The following COL9A3 variants were observed in gnomAD, a reference collection of about 807,000 sequenced individuals.
The protein encoded by COL9A3 is collagen alpha-3(IX) chain.
A neutral mutation model predicts 110.2 loss-of-function variants in COL9A3; 82 were observed. That is an observed-to-expected ratio of 0.74 (90% CI 0.62 to 0.89). The LOEUF is 0.89. Ranked by LOEUF, COL9A3 falls within the 40% of genes least tolerant of loss-of-function variation. The pLI is 0.00. For synonymous variants in COL9A3, 494 were observed against 403.8 expected (o/e 1.22, Z -2.68); for missense variants, 1,066 against 981.3 (o/e 1.09, Z -1.15).
At chr20:62,821,360 G>C in intron 6 of COL9A3, 144 bp downstream of exon 6, 1 of 1,335,498 alleles carries the variant, frequency 7.5e-7, no homozygotes, top group East Asian at 2.4e-5. Context: ...TGCCTGGATG[G>C]GGTCCTGGTG....
rs916430116 is a variant in COL9A3, at chr20:62,829,922, G to C, written c.1161+103G>C. On this transcript the variant is annotated intron_variant, in intron 22 of 31. Transcript: ENST00000649368. ...GGGGTGGCATTTGGTTGCCTTGATG[G>C]GCCAGGCCCACAAAAGCCTAGGATG... is the stretch of plus-strand genomic sequence containing the variant. 6.4e-6 allele frequency: 9 copies of C among 1,405,874 alleles called. No homozygotes were observed. In the African/African-American group the frequency reaches 8.5e-5, roughly 13 times the overall value. 87.1% of individuals were successfully genotyped at this position (1,405,874 alleles called of 1,614,324 possible).
chr20:62,826,367 C>T (rs1050298924), intron 14 of COL9A3, 110 bp downstream of exon 14: 24 of 1,067,018 alleles, frequency 2.2e-5, no homozygotes, highest in Non-Finnish European at 3.1e-5. Context: ...GCAGCCGGCA[C>T]CCTGGCTCTG....
chr20:62,822,139 G>C lies in COL9A3; in HGVS notation c.452G>C (p.Gly151Ala), dbSNP rs765684226. The C allele has an allele frequency of 1.9e-6, 3 of 1,590,216 alleles. No homozygotes were observed. In the Admixed American group the frequency reaches 5.0e-5, roughly 27 times the overall value. ...PGPSGLPGLPGPPGPPGPPGH... is the reference protein window; with the variant it reads ...PGPSGLPGLPAPPGPPGPPGH... ...CCTTCTGGACTCCCCGGCCTCCCTGGTCCCCCAGGACCTCCCGGACCCCCT... is the reference window on the plus strand; with the variant it reads ...CCTTCTGGACTCCCCGGCCTCCCTGCTCCCCCAGGACCTCCCGGACCCCCT... Residue 151 changes from glycine (G) to alanine (A), a missense_variant, in exon 9 of 32, where the codon GGT (glycine) becomes GCT (alanine). Coordinates refer to ENST00000649368, the MANE Select transcript of COL9A3 (RefSeq NM_001853.4).
chr20:62,839,813 T>TGCAC (rs2063661830), intron 31 of COL9A3, among the ~76,000 whole-genome samples: 1 of 135,558 alleles, frequency 7.4e-6, no homozygotes, highest in Non-Finnish European at 1.6e-5. Flanking sequence ...CTCCCCTCCA[T>TGCAC]GCACGCACGC....
At chr20:62,817,493 G>T (rs1175002900) in intron 1 of COL9A3, 74 bp from the exon 2 acceptor site, 3 of 1,117,346 alleles carry the variant, frequency 2.7e-6, no homozygotes, top group South Asian at 1.4e-5. Context: ...AGCCGCTCGG[G>T]ACCCGGGAGG....
At position 62,837,164 on chromosome 20, in the gene COL9A3, CT is replaced by C; in HGVS notation, c.1686del (p.Pro565GlnfsTer108). The C allele has an allele frequency of 6.2e-7, 1 of 1,613,018 alleles. No individual in the cohort carries two copies. The highest frequency in any genetic ancestry group is 8.5e-7 in the Non-Finnish European group (1 of 1,179,856). On this transcript the variant is annotated frameshift_variant, in exon 30 of 32. Transcript: ENST00000649368. LOFTEE classifies it high-confidence loss of function. ...SIGRPGPAGPPGPPGPPGSIG... is the reference protein window; with the variant it reads ...SIGRPGPAGPXGPPGPPGSIG... ...GGTCGGCCCGGTCCAGCTGGCCCCCCTGGGCCCCCAGGACCCCCAGGCTCCA... is the reference window on the plus strand; with the variant it reads ...GGTCGGCCCGGTCCAGCTGGCCCCCCGGGCCCCCAGGACCCCCAGGCTCCA...
In COL9A3 at chr20:62,821,224, T is replaced by G; in HGVS notation, c.345+8T>G. 6.2e-7 allele frequency: 1 copy of G among 1,612,966 alleles called. No homozygotes were observed. Among genetic ancestry groups the G allele is most frequent in the South Asian group, 1.1e-5 (1 of 90,982 alleles). ...GGGCCGCCCGGGCTGGGGGTGAGTA[T>G]GGAGTGTGGTCCTCTCCTCTCCATG... is the stretch of plus-strand genomic sequence containing the variant. On this transcript the variant is annotated splice_region_variant and intron_variant, in intron 6 of 31. Coordinates refer to ENST00000649368, the MANE Select transcript of COL9A3 (RefSeq NM_001853.4).
rs2063653089 is a variant in COL9A3, at chr20:62,838,678, T to C, written c.1787-6T>C. 4 of 1,552,170 alleles carry C rather than the reference T, an allele frequency of 2.6e-6. No homozygotes were observed. Among genetic ancestry groups the C allele is most frequent in the Non-Finnish European group, 3.5e-6 (4 of 1,147,252 alleles). ...ACCATATGTCTGTGTCCACACCTCG[T>C]GACAGGAAACCAGGGTGACAGAGGA... On this transcript the variant is annotated splice_polypyrimidine_tract_variant and splice_region_variant and intron_variant, in intron 30 of 31. Coordinates refer to ENST00000649368, the MANE Select transcript of COL9A3 (RefSeq NM_001853.4).
At chr20:62,832,891 C>G (rs2063607500) in intron 25 of COL9A3, 129 bp from the exon 26 acceptor site, 1 of 841,342 alleles carries the variant, frequency 1.2e-6, no homozygotes, top group Non-Finnish European at 1.9e-6. Flanking sequence ...AGCCCTGGGG[C>G]CTGGGCTTTT....
rs376065403 is a variant in COL9A3, at chr20:62,828,877, C to A, written c.955-46C>A. ...GGGGCTGGAGGGGAGTTCGGCCTCCCGAGGCCTCAGCCTCCCCTTCCGCAC... is the reference window on the plus strand; with the variant it reads ...GGGGCTGGAGGGGAGTTCGGCCTCCAGAGGCCTCAGCCTCCCCTTCCGCAC... On this transcript the variant is annotated intron_variant, in intron 18 of 31. Transcript: ENST00000649368. 11 of 1,612,312 alleles carry A rather than the reference C, an allele frequency of 6.8e-6. No homozygotes were observed. The Admixed American group carries it at 1.8e-4, about 27-fold the overall frequency.
In COL9A3 at chr20:62,828,825, T is replaced by C. The variant is rs763237070; in HGVS notation, c.954+8T>C. The C allele has an allele frequency of 8.1e-6, 13 of 1,612,696 alleles. No individual in the cohort carries two copies. Among genetic ancestry groups the C allele is most frequent in the African/African-American group, 1.3e-5 (1 of 74,872 alleles). ...GGACTCGATGGCCAGAAGGTTGGCATGGGGCTCAGGGTGTGACGGGAGGGA... is the reference window on the plus strand; with the variant it reads ...GGACTCGATGGCCAGAAGGTTGGCACGGGGCTCAGGGTGTGACGGGAGGGA... On this transcript the variant is annotated splice_region_variant and intron_variant, in intron 18 of 31. Coordinates refer to ENST00000649368, the MANE Select transcript of COL9A3 (RefSeq NM_001853.4).
chr20:62,822,959 G>A (rs915715588), intron 10 of COL9A3, among the ~76,000 whole-genome samples: 2 of 152,254 alleles, frequency 1.3e-5, no homozygotes, highest in African/African-American at 2.4e-5. Flanking sequence ...CGCAGAGGGC[G>A]CCCTTGGCCA....
At chr20:62,838,567 G>A (rs1397893373) in intron 30 of COL9A3, 117 bp from the exon 31 acceptor site, 21 of 956,524 alleles carry the variant, frequency 2.2e-5, no homozygotes, top group Non-Finnish European at 3.3e-5. Context: ...TTTTCTAAAT[G>A]TTTCCACTTC....
At chr20:62,822,668 G>A in intron 10 of COL9A3, 36 bp downstream of exon 10, 1 of 1,606,580 alleles carries the variant, frequency 6.2e-7, no homozygotes, top group Non-Finnish European at 8.5e-7. Flanking sequence ...GGGTGCTGGG[G>A]GGTGCCTACC....
rs1359936090 is a variant in COL9A3 at position 62,836,535 on chromosome 20, A to G, written c.1603+3A>G. 5 of 1,609,608 alleles carry G rather than the reference A, an allele frequency of 3.1e-6. No individual in the cohort carries two copies. The highest frequency in any genetic ancestry group is 4.2e-6 in the Non-Finnish European group (5 of 1,177,954). On this transcript the variant is annotated splice_donor_region_variant and intron_variant, in intron 29 of 31. Transcript: ENST00000649368. ...GCTGTGTGGGGGGATGATCAGCGGT[A>G]AGTCAGCCACGTGCACCGGCTGCAG...
intron 25 of COL9A3, chr20:62,832,759 A>AC: frequency 2.5e-6 from 1 of 401,116 alleles, no homozygotes; most frequent in East Asian, 4.0e-5. Flanking sequence ...CAGCCATCGA[A>AC]CCCCCACCGC....
In COL9A3 at chr20:62,821,111, T is replaced by G. The variant is rs1699719472; in HGVS notation, c.310-70T>G. On this transcript the variant is annotated intron_variant, in intron 5 of 31. Transcript: ENST00000649368. ...GGGAGTTGGAGTTGTGACGTCACAC[T>G]TCAGAGGGAGGGGATTGGGTTTGCA... The G allele has an allele frequency of 4.6e-6, 7 of 1,514,266 alleles. No homozygotes were observed. The African/African-American group carries it at 8.2e-5, about 18-fold the overall frequency. 93.8% of individuals were successfully genotyped at this position (1,514,266 alleles called of 1,614,324 possible).
chr20:62,818,866 C>T (rs1306586701), intron 3 of COL9A3, among the ~76,000 whole-genome samples: 2 of 152,220 alleles, frequency 1.3e-5, no homozygotes, highest in African/African-American at 2.4e-5. Context: ...CTCCCACCTT[C>T]TTCAGTTCCA....
intron 30 of COL9A3, 64 bp downstream of exon 30, chr20:62,837,329 T>C: frequency 6.5e-7 from 1 of 1,536,958 alleles, no homozygotes; most frequent in Non-Finnish European, 8.8e-7. Flanking sequence ...GACTTGTTAG[T>C]AGGCGCTGCT....
Sources: allele counts gnomAD v4.1 joint callset (sites outside exome capture counted in the v4.1 genomes callset), GRCh38; gene constraint gnomAD v4.1.1; transcripts MANE v1.5; gene names NCBI Gene and HGNC (gene_info 2026-07-23, HGNC 2026-07-21).